Variants in PEAK1 observed in about 807,000 individuals in gnomAD.
PEAK1 encodes pseudopodium enriched atypical kinase 1, also known as inactive tyrosine-protein kinase PEAK1.
PEAK1 carries 54 observed loss-of-function variants against 124.7 expected under a neutral mutation model. The observed-to-expected ratio is 0.43, with a 90% CI of 0.35 to 0.54. PEAK1 has a LOEUF of 0.54. Among genes scored for constraint, PEAK1 ranks in the 20% least tolerant of loss-of-function variants. The probability of loss-of-function intolerance (pLI) is 0.01; values close to 1 mark genes in which losing one functional copy is unlikely to be tolerated. For synonymous variants in PEAK1, 719 were observed against 760.0 expected, an observed-to-expected ratio of 0.95 and a Z score of 0.89; for missense variants, 2,046 against 2,134.5, an observed-to-expected ratio of 0.96 and a Z score of 0.82.
At chr15:77,322,298 T>G (rs556076106) in intron 2 of PEAK1, among the ~76,000 whole-genome samples, 1 of 151,744 alleles carries the variant, frequency 6.6e-6, no homozygotes, top group Admixed American at 6.6e-5. Flanking sequence ...CTGAAGGAAA[T>G]AGAGACACAA....
intron 6 of PEAK1, among the ~76,000 whole-genome samples, chr15:77,215,729 TTTGA>T (rs1395939699): frequency 6.6e-6 from 1 of 152,166 alleles, no homozygotes; most frequent in African/African-American, 2.4e-5. Context: ...AGTTTGTGCT[TTTGA>T]TTATCTTTTT....
chr15:77,296,351 C>G (rs966484812), intron 2 of PEAK1, among the ~76,000 whole-genome samples: 2 of 151,662 alleles, frequency 1.3e-5, no homozygotes, highest in African/African-American at 4.9e-5. Context: ...GTGGCTCACG[C>G]CGGTAATCCC....
At chr15:77,232,806 T>C (rs2059962684) in intron 6 of PEAK1, among the ~76,000 whole-genome samples, 1 of 152,118 alleles carries the variant, frequency 6.6e-6, no homozygotes, top group African/African-American at 2.4e-5. Context: ...AGTGCAATGG[T>C]GTGATCTCTA....
chr15:77,378,188 T>TTATATATATATATATA lies in PEAK1; in HGVS notation c.-665-12979_-665-12964dup, dbSNP rs758426465. Among the ~76,000 whole-genome samples the TTATATATATATATATA allele has an allele frequency of 9.6e-4, 125 of 129,680 alleles. 1 individual carries two copies. Among genetic ancestry groups the TTATATATATATATATA allele is most frequent in the East Asian group, 3.4e-3 (16 of 4,752 alleles). 85.1% of individuals were successfully genotyped at this position (129,680 alleles called of 152,430 possible). ...ACTGCACTGACTCTGTATAACAATA[T>TTATATATATATATATA]TATATATATATATATATATACATAA... On this transcript the variant is annotated intron_variant, in intron 1 of 9. Transcript: ENST00000682557.
At chr15:77,381,959 C>G (rs1432316312) in intron 1 of PEAK1, among the ~76,000 whole-genome samples, 1 of 152,196 alleles carries the variant, frequency 6.6e-6, no homozygotes, top group Non-Finnish European at 1.5e-5. Context: ...ATTCTAATGT[C>G]AGGGTTCTAA....
chr15:77,380,165 C>T (rs981637930), intron 1 of PEAK1, among the ~76,000 whole-genome samples: 4 of 152,028 alleles, frequency 2.6e-5, no homozygotes, highest in African/African-American at 7.3e-5. Context: ...TTTCTTCCAC[C>T]AAAAGCAAAT....
At chr15:77,151,722 T>C (rs2152771482) in intron 8 of PEAK1, among the ~76,000 whole-genome samples, 1 of 152,326 alleles carries the variant, frequency 6.6e-6, no homozygotes, top group South Asian at 2.1e-4. Flanking sequence ...TTCAGCTTTC[T>C]ACATATGGCT....
intron 6 of PEAK1, among the ~76,000 whole-genome samples, chr15:77,190,504 T>A (rs1334895213): frequency 6.6e-6 from 1 of 152,220 alleles, no homozygotes; most frequent in Non-Finnish European, 1.5e-5. Context: ...AAGTAAAGTT[T>A]ACATCTAAAA....
intron 2 of PEAK1, among the ~76,000 whole-genome samples, chr15:77,298,408 C>T (rs552450038): frequency 9.1e-4 from 137 of 150,742 alleles, no homozygotes; most frequent in African/African-American, 3.2e-3. Context: ...TTAGTAGAGA[C>T]GGGGTTTCAC....
At chr15:77,122,447 A>T (rs1019307744) in intron 9 of PEAK1, among the ~76,000 whole-genome samples, 1 of 152,204 alleles carries the variant, frequency 6.6e-6, no homozygotes, top group African/African-American at 2.4e-5. Flanking sequence ...CAGGATGTTC[A>T]CACTAGAGAA....
intron 1 of PEAK1, among the ~76,000 whole-genome samples, chr15:77,366,483 ATAT>A (rs1305847490): frequency 3.3e-5 from 5 of 151,920 alleles, no homozygotes; most frequent in East Asian, 1.9e-4. Context: ...ATAATATATA[ATAT>A]TATAATAATG....
intron 1 of PEAK1, among the ~76,000 whole-genome samples, chr15:77,396,708 C>T (rs12911371): frequency 0.66 from 99,652 of 151,926 alleles, 33,625 homozygotes; most frequent in Non-Finnish European, 0.75. Context: ...AAGGGGTCAA[C>T]TCAGCAATTA....
chr15:77,273,539 A>C (rs1363819005), intron 5 of PEAK1, among the ~76,000 whole-genome samples: 1 of 150,412 alleles, frequency 6.6e-6, no homozygotes, highest in Non-Finnish European at 1.5e-5. Flanking sequence ...CAAAAACAAA[A>C]ACAAAGAACT....
intron 5 of PEAK1, among the ~76,000 whole-genome samples, chr15:77,257,158 A>C (rs986126091): frequency 6.6e-6 from 1 of 152,008 alleles, no homozygotes; most frequent in Non-Finnish European, 1.5e-5. Flanking sequence ...CCAAGTCTTT[A>C]CTATTGTGAA....
chr15:77,418,418 C>T (rs1219709579), intron 1 of PEAK1: 4 of 985,296 alleles, frequency 4.1e-6, no homozygotes, highest in Non-Finnish European at 4.8e-6. Context: ...CCTTTCCCCC[C>T]CGACAGCAAT....
At chr15:77,185,568 G>C in intron 6 of PEAK1, among the ~76,000 whole-genome samples, 1 of 152,230 alleles carries the variant, frequency 6.6e-6, no homozygotes, top group Non-Finnish European at 1.5e-5. Flanking sequence ...GGCAACATGA[G>C]CTCATCTGTG....
intron 2 of PEAK1, chr15:77,347,570 T>A (rs1025453226): frequency 1.1e-5 from 11 of 985,340 alleles, no homozygotes; most frequent in Non-Finnish European, 9.6e-6. Context: ...TGTTTCTGGA[T>A]GTATTTGTCC....
chr15:77,281,851 T>TG (rs1462431586), intron 5 of PEAK1, among the ~76,000 whole-genome samples: 1 of 152,212 alleles, frequency 6.6e-6, no homozygotes, highest in African/African-American at 2.4e-5. Context: ...CAACTCAAAG[T>TG]GGACTGATCT....
chr15:77,319,328 A>G (rs1279548906), intron 2 of PEAK1, among the ~76,000 whole-genome samples: 2 of 152,122 alleles, frequency 1.3e-5, no homozygotes, highest in Non-Finnish European at 2.9e-5. Flanking sequence ...ATCTACAAAC[A>G]CCTTTCTTTA....
Sources: gnomAD v4.1 joint callset for allele counts (sites outside exome capture counted in the v4.1 genomes callset) on GRCh38, gnomAD v4.1.1 for gene constraint, MANE v1.5 for transcripts, NCBI Gene and HGNC (gene_info 2026-07-23, HGNC 2026-07-21) for gene names.